Variants in PADI3 observed in about 807,000 individuals in gnomAD.
PADI3 encodes the protein protein-arginine deiminase type-3.
Under a neutral mutation model 71.5 loss-of-function variants are expected in PADI3, and 53 were observed. The ratio of observed to expected loss-of-function variants is 0.74; its 90% CI spans 0.59 to 0.93. The LOEUF is 0.93. Ranked by LOEUF, PADI3 falls within the 40% of genes least tolerant of loss-of-function variation. The pLI, the probability that PADI3 is intolerant of heterozygous loss-of-function variation, is 0.00. For synonymous variants in PADI3, 361 were observed against 347.5 expected, an observed-to-expected ratio of 1.04 and a Z score of -0.43; for missense variants, 821 against 868.0, an observed-to-expected ratio of 0.95 and a Z score of 0.68.
chr1:17,253,781 T>C (rs774592263), intron 1 of PADI3, among the ~76,000 whole-genome samples: 22 of 152,194 alleles, frequency 1.4e-4, no homozygotes, highest in Non-Finnish European at 2.6e-4. Context: ...GGCTGCCTAA[T>C]GGAGCCAGGA....
At chr1:17,265,918 A>C (rs1311509303) in intron 4 of PADI3, among the ~76,000 whole-genome samples, 198 bp downstream of exon 4, 2 of 152,194 alleles carry the variant, frequency 1.3e-5, no homozygotes, top group East Asian at 3.8e-4. Flanking sequence ...ATTATCAGGC[A>C]TGGAGGTACC....
chr1:17,280,859 G>A (rs1430681143), intron 15 of PADI3, 63 bp downstream of exon 15: 1 of 1,582,214 alleles, frequency 6.3e-7, no homozygotes, highest in African/African-American at 1.4e-5. Flanking sequence ...CTCGAGAGAG[G>A]AAAAATGTCT....
chr1:17,264,880 A>G (rs12035310), intron 3 of PADI3, among the ~76,000 whole-genome samples: 12,447 of 151,980 alleles, frequency 0.082, 706 homozygotes, highest in South Asian at 0.18. Context: ...GCATGGTGGC[A>G]TGCACCAGTA....
In PADI3 at chr1:17,283,202, G is replaced by C. The variant is rs1328740817; in HGVS notation, c.*123G>C. The stretch of plus-strand genomic sequence containing the variant: ...CAAGGCTCCAGATGGAACACTGAGG[G>C]TGACCGTCCCTCTCAGAAGCCTTTT... On this transcript the variant is annotated 3_prime_UTR_variant, in exon 16 of 16. Coordinates refer to ENST00000375460, the MANE Select transcript of PADI3 (RefSeq NM_016233.2). The C allele has an allele frequency of 5.6e-6, 4 of 718,888 alleles. No individual in the cohort carries two copies. In the African/African-American group the frequency reaches 7.1e-5, roughly 13 times the overall value. The allele number at this position is 718,888 out of a possible 1,614,324, so 44.5% of individuals were successfully genotyped here.
chr1:17,277,358 C>A (rs2073348377), intron 13 of PADI3, among the ~76,000 whole-genome samples: 1 of 152,160 alleles, frequency 6.6e-6, no homozygotes, highest in African/African-American at 2.4e-5. Flanking sequence ...CCACGCCCGG[C>A]TAATTTTGTG....
chr1:17,280,601 A>C, intron 14 of PADI3, 70 bp from the exon 15 acceptor site: 1 of 1,605,428 alleles, frequency 6.2e-7, no homozygotes. Context: ...GAGGGGAGCG[A>C]CAGGATGCCT....
rs750962510 is a variant in PADI3, at chr1:17,259,625, G to A, written c.140G>A (p.Gly47Asp). Residue 47 changes from glycine (G) to aspartate (D), a missense_variant, in exon 2 of 16, where the codon GGC becomes GAC. Physicochemically the swap from Gly to Asp is moderately conservative, Grantham distance 94. Coordinates refer to ENST00000375460, the MANE Select transcript of PADI3 (RefSeq NM_016233.2). ...TEMFEVYGTP[G>D]VDIYISPNME... ...ATGTTTGAGGTCTATGGGACGCCTG[G>A]CGTGGACATCTACATCTCTCCCAAC... 19 of 1,613,340 alleles carry A rather than the reference G, an allele frequency of 1.2e-5. No homozygotes were observed. Among genetic ancestry groups the A allele is most frequent in the Non-Finnish European group, 1.5e-5 (18 of 1,179,584 alleles).
chr1:17,282,441 G>A (rs765079814), intron 15 of PADI3, among the ~76,000 whole-genome samples: 2 of 152,090 alleles, frequency 1.3e-5, no homozygotes, highest in Non-Finnish European at 2.9e-5. Context: ...ACACTGACAC[G>A]GGCAGAGACC....
Position 17,262,273 on chromosome 1 carries a change from G to T in PADI3, c.346+68G>T, listed in dbSNP as rs191155669. 2.5e-5 allele frequency: 29 copies of T among 1,176,168 alleles called. 1 individual carries two copies. In the Middle Eastern group the frequency reaches 5.9e-4, roughly 24 times the overall value. 72.9% of individuals were successfully genotyped at this position (1,176,168 alleles called of 1,614,324 possible). On this transcript the variant is annotated intron_variant, in intron 3 of 15. Transcript: ENST00000375460. ...TGAAAAATTCAAGCAGTACAAAAGA[G>T]TATACGTTGAAAATTAAACCTCCTT...
intron 14 of PADI3, 119 bp downstream of exon 14, chr1:17,280,548 C>G (rs2073387377): frequency 1.3e-6 from 2 of 1,517,320 alleles, no homozygotes; most frequent in Non-Finnish European, 1.8e-6. Flanking sequence ...AGAACAGGCC[C>G]AGACAGAGGG....
At chr1:17,262,903 G>A (rs2073120698) in intron 3 of PADI3, among the ~76,000 whole-genome samples, 1 of 148,964 alleles carries the variant, frequency 6.7e-6, no homozygotes, top group Non-Finnish European at 1.5e-5. Context: ...AAATTCCAAC[G>A]TGGCTTTTTT....
rs186024391 is a variant in PADI3 at position 17,280,054 on chromosome 1, G to A, written c.1556-296G>A. Among the ~76,000 whole-genome samples the A allele has an allele frequency of 9.7e-4, 148 of 152,270 alleles. 1 individual carries two copies. Among genetic ancestry groups the A allele is most frequent in the South Asian group, 2.1e-4 (1 of 4,822 alleles). The stretch of plus-strand genomic sequence containing the variant: ...AGAGGATTCCTCATCCAGTGCCCTC[G>A]GGCAGTTGTACATTTCCAGTGACAG... On this transcript the variant is annotated intron_variant, in intron 13 of 15. Coordinates refer to ENST00000375460, the MANE Select transcript of PADI3 (RefSeq NM_016233.2).
chr1:17,273,517 T>C, intron 10 of PADI3, 70 bp downstream of exon 10: 1 of 1,022,882 alleles, frequency 9.8e-7, no homozygotes, highest in Non-Finnish European at 1.5e-6. Flanking sequence ...CACCGGGGTG[T>C]GGGGTACAGA....
intron 2 of PADI3, 104 bp downstream of exon 2, chr1:17,259,862 T>G: frequency 1.0e-6 from 1 of 970,358 alleles, no homozygotes. Context: ...GGCAACACAG[T>G]GGGTAAGTGC....
intron 3 of PADI3, among the ~76,000 whole-genome samples, chr1:17,264,117 T>C (rs559452213): frequency 6.6e-6 from 1 of 152,324 alleles, no homozygotes; most frequent in African/African-American, 2.4e-5. Context: ...CAACTGCATA[T>C]ATGCTTTGCC....
At chr1:17,263,189 C>T (rs61048286) in intron 3 of PADI3, among the ~76,000 whole-genome samples, 12,590 of 152,292 alleles carry the variant, frequency 0.083, 611 homozygotes, top group Non-Finnish European at 0.1. Context: ...GCTGGGATTA[C>T]AGGCATGAGC....
At chr1:17,275,167 T>G (rs2073311336) in intron 11 of PADI3, among the ~76,000 whole-genome samples, 1 of 151,810 alleles carries the variant, frequency 6.6e-6, no homozygotes. Context: ...GTGGGCATGG[T>G]GGTTCATGCC....
At position 17,270,980 on chromosome 1, in the gene PADI3, C is replaced by A; in HGVS notation, c.933C>A (p.Cys311Ter). The change falls in exon 8 of 16, where the codon TGC becomes TGA. Residue 311 changes from cysteine to a stop codon, truncating the protein, a stop_gained and splice_region_variant. Coordinates refer to ENST00000375460, the MANE Select transcript of PADI3 (RefSeq NM_016233.2). LOFTEE classifies it high-confidence loss of function. ...TGCCACCCCTAGAGGTGTATGTGTGCCGGTGAGTCTTGGGGCAGTGGGTGG... is the reference window on the plus strand; with the variant it reads ...TGCCACCCCTAGAGGTGTATGTGTGACGGTGAGTCTTGGGGCAGTGGGTGG... ...STLPPLEVYVCRVRNNTCFVD... is the reference protein window; with the variant it reads ...STLPPLEVYV The A allele has an allele frequency of 6.2e-7, 1 of 1,613,888 alleles. No homozygotes were observed. Among genetic ancestry groups the A allele is most frequent in the Non-Finnish European group, 8.5e-7 (1 of 1,179,822 alleles).
At chr1:17,269,730 G>C (rs2073220595) in intron 6 of PADI3, among the ~76,000 whole-genome samples, 1 of 152,050 alleles carries the variant, frequency 6.6e-6, no homozygotes, top group African/African-American at 2.4e-5. Context: ...CAATCCTCCT[G>C]CCTAAGCCTC....
Sources: allele counts gnomAD v4.1 joint callset (sites outside exome capture counted in the v4.1 genomes callset), GRCh38; gene constraint gnomAD v4.1.1; transcripts MANE v1.5; gene names NCBI Gene and HGNC (gene_info 2026-07-23, HGNC 2026-07-21).